The following VPS13C variants were observed in gnomAD, a reference collection of about 807,000 sequenced individuals.
The protein encoded by VPS13C is vacuolar protein sorting 13 homolog C, also known as intermembrane lipid transfer protein VPS13C.
Under a neutral mutation model 456.8 loss-of-function variants are expected in VPS13C, and 358 were observed. The observed-to-expected ratio is 0.78, with a 90% confidence interval of 0.72 to 0.86. The LOEUF is 0.86. VPS13C is among the 40% of genes least tolerant of loss of function. VPS13C has a pLI of 0.00. For synonymous variants in VPS13C, 1,578 were observed against 1,486.7 expected, an observed-to-expected ratio of 1.06 and a Z score of -1.41; for missense variants, 4,818 against 4,385.4, an observed-to-expected ratio of 1.10 and a Z score of -2.79.
At chr15:62,010,700 A>C in intron 12 of VPS13C, 101 bp from the exon 13 acceptor site, 1 of 1,182,166 alleles carries the variant, frequency 8.5e-7, no homozygotes, top group South Asian at 2.6e-5. Context: ...GTAAAGAAAA[A>C]TGATCAAAAA....
chr15:61,863,477 G>A lies in VPS13C; in HGVS notation c.10915C>T (p.Pro3639Ser), dbSNP rs1894337246. ...ATAAGGATTGTCTTCTTGCTTCCAG[G>A]AATAGCACAGTGGTATCGGTAAGTC... ...GETYRYHCAIPGSKKTILMVT... is the reference protein window; with the variant it reads ...GETYRYHCAISGSKKTILMVT... The change falls in exon 82 of 85, where the codon CCT becomes TCT. Residue 3639 changes from proline (P) to serine (S), a missense_variant. Pro to Ser is a moderately conservative substitution (Grantham distance 74). Coordinates refer to ENST00000644861, the MANE Select transcript of VPS13C (RefSeq NM_020821.3). 3.1e-6 allele frequency: 5 copies of A among 1,612,722 alleles called. No homozygotes were observed. Among genetic ancestry groups the A allele is most frequent in the African/African-American group, 1.3e-5 (1 of 74,820 alleles).
chr15:62,048,777 C>T (rs2048517361), intron 1 of VPS13C, among the ~76,000 whole-genome samples: 1 of 152,030 alleles, frequency 6.6e-6, no homozygotes, highest in Non-Finnish European at 1.5e-5. Context: ...TGTTTCCTGA[C>T]TTTTTAATGA....
intron 2 of VPS13C, among the ~76,000 whole-genome samples, chr15:62,043,903 T>C (rs2048319218): frequency 6.6e-6 from 1 of 152,158 alleles, no homozygotes. Flanking sequence ...CCCTCATTTA[T>C]CTCAAAAATA....
chr15:62,030,809 T>A (rs2047789421), intron 5 of VPS13C, among the ~76,000 whole-genome samples: 1 of 152,144 alleles, frequency 6.6e-6, no homozygotes. Context: ...TGACAGAATG[T>A]TAACATCGCT....
chr15:61,854,312 A>C lies in VPS13C; in HGVS notation c.*145T>G. 1.3e-6 allele frequency: 1 copy of C among 762,082 alleles called. No homozygotes were observed. Among genetic ancestry groups the C allele is most frequent in the Non-Finnish European group, 2.2e-6 (1 of 452,818 alleles). The allele number at this position is 762,082 out of a possible 1,614,324, so 47.2% of individuals were successfully genotyped here. On this transcript the variant is annotated 3_prime_UTR_variant, in exon 85 of 85. Transcript: ENST00000644861. Reference sequence around the variant, plus strand: ...AGAGTAAAAACTAAAAGGTGAAAAAACTAGAAAACCCAATACTAGCTATTC... The same window carrying C: ...AGAGTAAAAACTAAAAGGTGAAAAACCTAGAAAACCCAATACTAGCTATTC...
intron 22 of VPS13C, among the ~76,000 whole-genome samples, chr15:61,979,922 G>A (rs541735014): frequency 1.3e-5 from 2 of 152,112 alleles, no homozygotes; most frequent in South Asian, 2.1e-4. Context: ...GATGGCTCAC[G>A]TCTGTAATCC....
At chr15:61,981,581 T>A (rs1401351533) in intron 21 of VPS13C, 103 bp from the exon 22 acceptor site, 3 of 1,245,722 alleles carry the variant, frequency 2.4e-6, no homozygotes, top group Non-Finnish European at 3.2e-6. Context: ...GTATTACAGG[T>A]CGGGTGCGGT....
At chr15:61,878,836 A>C in intron 73 of VPS13C, 90 bp from the exon 74 acceptor site, 1 of 1,387,904 alleles carries the variant, frequency 7.2e-7, no homozygotes, top group South Asian at 1.5e-5. Flanking sequence ...AAACCAAAAA[A>C]AGTCTTTCGA....
intron 43 of VPS13C, 90 bp from the exon 44 acceptor site, chr15:61,946,500 T>A: frequency 1.2e-6 from 1 of 844,252 alleles, no homozygotes; most frequent in Non-Finnish European, 1.7e-6. Flanking sequence ...TGACAAGATA[T>A]AAAGTGAATA....
chr15:62,024,400 T>C lies in VPS13C; in HGVS notation c.449-555A>G, dbSNP rs929769292. Among the ~76,000 whole-genome samples, 8 of 152,194 alleles carry C rather than the reference T, an allele frequency of 5.3e-5. 1 individual carries two copies. Among genetic ancestry groups the C allele is most frequent in the Admixed American group, 5.2e-4 (8 of 15,280 alleles). On this transcript the variant is annotated intron_variant, in intron 6 of 84. Coordinates refer to ENST00000644861, the MANE Select transcript of VPS13C (RefSeq NM_020821.3). ...ACATTGGACTGTACACTGAATTCGA[T>C]TAGGAATTCCTTTAAAACCTCATTC... is the stretch of plus-strand genomic sequence containing the variant.
Position 61,863,483 on chromosome 15 carries a change from C to T in VPS13C, c.10909G>A (p.Ala3637Thr). 2.5e-6 allele frequency: 4 copies of T among 1,612,944 alleles called. No homozygotes were observed. Among genetic ancestry groups the T allele is most frequent in the Non-Finnish European group, 3.4e-6 (4 of 1,179,284 alleles). Residue 3637 changes from alanine to threonine, a missense_variant, in exon 82 of 85, where the codon GCT (alanine) becomes ACT (threonine). Around this residue, in one of 3 missense-constraint regions of VPS13C, gnomAD observed 261 missense variants for 234.1 expected, o/e 1.11. Coordinates refer to ENST00000644861, the MANE Select transcript of VPS13C (RefSeq NM_020821.3). ...ATTGTCTTCTTGCTTCCAGGAATAG[C>T]ACAGTGGTATCGGTAAGTCTCTCCT... Reference protein sequence around the residue: ...LEGETYRYHCAIPGSKKTILM... With the variant: ...LEGETYRYHCTIPGSKKTILM...
chr15:61,959,735 AC>A, intron 35 of VPS13C, 140 bp from the exon 36 acceptor site: 1 of 752,328 alleles, frequency 1.3e-6, no homozygotes, highest in Non-Finnish European at 2.0e-6. Flanking sequence ...TCAAAACTGA[AC>A]CTATAATTAA....
intron 48 of VPS13C, among the ~76,000 whole-genome samples, chr15:61,934,928 T>C (rs1219496127): frequency 6.6e-6 from 1 of 152,010 alleles, no homozygotes; most frequent in Non-Finnish European, 1.5e-5. Flanking sequence ...TTTTTTTGTA[T>C]TTTTAGTAGA....
At chr15:61,988,232 CT>C (rs1208364244) in intron 18 of VPS13C, among the ~76,000 whole-genome samples, 2 of 152,144 alleles carry the variant, frequency 1.3e-5, no homozygotes, top group African/African-American at 2.4e-5. Flanking sequence ...TACAAGGGAA[CT>C]TTTTGGAAGG....
rs752917536 is a variant in VPS13C at position 62,007,391 on chromosome 15, G to T, written c.1207C>A (p.Gln403Lys). The T allele has an allele frequency of 9.3e-6, 15 of 1,612,912 alleles. No individual in the cohort carries two copies. The South Asian group carries it at 1.5e-4, about 17-fold the overall frequency. The part of the protein sequence containing the change: ...WSWSNIKKHR[Q>K]LLKSYKIAYK... Reference sequence around the variant, plus strand: ...GCAATTTTATAACTCTTGAGTAACTGCCTGTGCTTTTTTATGTTACTCCAT... The same window carrying T: ...GCAATTTTATAACTCTTGAGTAACTTCCTGTGCTTTTTTATGTTACTCCAT... Residue 403 changes from glutamine (Q) to lysine (K), a missense_variant, in exon 15 of 85, where the codon CAG becomes AAG. Physicochemically the swap from Gln to Lys is moderately conservative, Grantham distance 53 (BLOSUM62 1). This residue lies in a region of VPS13C where 4,552 missense variants were observed against 4,130.6 expected (regional missense o/e 1.10). Coordinates refer to ENST00000644861, the MANE Select transcript of VPS13C (RefSeq NM_020821.3).
At chr15:61,979,806 G>A (rs1270219259) in intron 22 of VPS13C, among the ~76,000 whole-genome samples, 1 of 152,156 alleles carries the variant, frequency 6.6e-6, no homozygotes, top group East Asian at 1.9e-4. Context: ...ATCAGCTACA[G>A]ACAAGGGTAG....
intron 1 of VPS13C, among the ~76,000 whole-genome samples, chr15:62,046,457 A>T (rs963062374): frequency 4.6e-5 from 7 of 152,214 alleles, no homozygotes; most frequent in African/African-American, 1.7e-4. Context: ...TCACATGATG[A>T]ATTACACAAA....
chr15:61,874,980 A>C, intron 76 of VPS13C, 29 bp from the exon 77 acceptor site: 2 of 1,510,420 alleles, frequency 1.3e-6, no homozygotes, highest in East Asian at 2.4e-5. Context: ...AAATAATCTT[A>C]TTATTTAAAA....
At chr15:61,975,597 T>C (rs1482023402) in intron 24 of VPS13C, among the ~76,000 whole-genome samples, 2 of 152,044 alleles carry the variant, frequency 1.3e-5, no homozygotes, top group African/African-American at 2.4e-5. Context: ...ATAGATAATC[T>C]AGCCCTATAT....
Sources: gnomAD v4.1 joint callset for allele counts (sites outside exome capture counted in the v4.1 genomes callset) on GRCh38, gnomAD v4.1.1 for gene constraint, gnomAD v4.1.1 regional missense constraint, MANE v1.5 for transcripts, NCBI Gene and HGNC (gene_info 2026-07-23, HGNC 2026-07-21) for gene names.